EYS: variants seen among roughly 807,000 people sequenced by gnomAD.
EYS encodes the protein EGF-like photoreceptor maintenance factor, also known as protein eyes shut homolog.
Under a neutral mutation model 282.1 loss-of-function variants are expected in EYS, and 250 were observed. The ratio of observed to expected loss-of-function variants is 0.89; its 90% CI spans 0.80 to 0.98. EYS has a LOEUF of 0.98. EYS is among the 50% of genes least tolerant of loss of function. The pLI is 0.00. For missense variants in EYS, 4,016 were observed against 3,709.0 expected, an observed-to-expected ratio of 1.08 and a Z score of -2.15; for synonymous variants, 1,355 against 1,282.9, an observed-to-expected ratio of 1.06 and a Z score of -1.20.
At chr6:64,849,393 A>C (rs892173898) in intron 19 of EYS, among the ~76,000 whole-genome samples, 1 of 152,010 alleles carries the variant, frequency 6.6e-6, no homozygotes, top group Non-Finnish European at 1.5e-5. Context: ...TGAAAAAAAT[A>C]TTTGAAACTA....
intron 12 of EYS, among the ~76,000 whole-genome samples, chr6:65,124,383 T>A (rs932820127): frequency 1.3e-5 from 2 of 152,164 alleles, no homozygotes; most frequent in Non-Finnish European, 2.9e-5. Context: ...GAATGTGATT[T>A]GAACTCAAGA....
chr6:65,652,322 A>C (rs1767682534), intron 1 of EYS, among the ~76,000 whole-genome samples: 1 of 152,048 alleles, frequency 6.6e-6, no homozygotes. Flanking sequence ...GTTGACTTTG[A>C]AAATTGTTTT....
At chr6:63,893,210 G>A (rs960836771) in intron 35 of EYS, among the ~76,000 whole-genome samples, 4 of 152,120 alleles carry the variant, frequency 2.6e-5, no homozygotes, top group African/African-American at 9.7e-5. Flanking sequence ...ATTTGACCCA[G>A]CAATCCTAAT....
At chr6:65,637,999 G>A (rs1312678821) in intron 2 of EYS, among the ~76,000 whole-genome samples, 1 of 152,194 alleles carries the variant, frequency 6.6e-6, no homozygotes, top group African/African-American at 2.4e-5. Flanking sequence ...CCTGGGGGCC[G>A]GGTTGTCAGT....
chr6:64,549,390 T>C (rs531335202), intron 26 of EYS, among the ~76,000 whole-genome samples: 2 of 152,320 alleles, frequency 1.3e-5, no homozygotes, highest in South Asian at 4.1e-4. Context: ...AATTTTTTAG[T>C]TGATTTTTGT....
At chr6:65,133,020 G>A (rs900535877) in intron 12 of EYS, among the ~76,000 whole-genome samples, 7 of 151,990 alleles carry the variant, frequency 4.6e-5, no homozygotes, top group Admixed American at 4.6e-4. Context: ...AGTGAAAGAT[G>A]TCTATAATGA....
At chr6:65,601,375 T>C (rs543289256) in intron 2 of EYS, among the ~76,000 whole-genome samples, 5 of 152,002 alleles carry the variant, frequency 3.3e-5, no homozygotes, top group African/African-American at 1.2e-4. Context: ...TAAATCCCTC[T>C]TATCAGTCCC....
At chr6:64,943,797 A>G (rs1344101021) in intron 15 of EYS, among the ~76,000 whole-genome samples, 2 of 152,094 alleles carry the variant, frequency 1.3e-5, no homozygotes, top group African/African-American at 4.8e-5. Context: ...GCATGCACAG[A>G]TTCAACGTAT....
At chr6:64,185,433 T>C (rs1040721170) in intron 31 of EYS, among the ~76,000 whole-genome samples, 6 of 152,186 alleles carry the variant, frequency 3.9e-5, no homozygotes, top group Non-Finnish European at 8.8e-5. Context: ...ACAAGTCATA[T>C]TCTTGAAAAT....
intron 31 of EYS, among the ~76,000 whole-genome samples, chr6:64,173,816 C>T (rs548304825): frequency 3.9e-5 from 6 of 152,016 alleles, no homozygotes; most frequent in Admixed American, 1.3e-4. Context: ...CTCAGTGTAT[C>T]TTAATATAAA....
At chr6:64,324,255 C>A (rs1001952079) in intron 29 of EYS, among the ~76,000 whole-genome samples, 1 of 152,134 alleles carries the variant, frequency 6.6e-6, no homozygotes, top group Admixed American at 6.6e-5. Context: ...CAAACTGAAT[C>A]CAGTAGCAGA....
chr6:64,141,636 T>C (rs1774340902), intron 31 of EYS, among the ~76,000 whole-genome samples: 1 of 152,230 alleles, frequency 6.6e-6, no homozygotes, highest in Non-Finnish European at 1.5e-5. Context: ...AAAAAGTATT[T>C]AAATTCATAA....
At chr6:64,333,484 G>A (rs1770716559) in intron 29 of EYS, among the ~76,000 whole-genome samples, 1 of 152,140 alleles carries the variant, frequency 6.6e-6, no homozygotes, top group Non-Finnish European at 1.5e-5. Context: ...GGACCATGAT[G>A]AATTTAATCA....
At chr6:63,826,561 A>C (rs1196460624) in intron 36 of EYS, among the ~76,000 whole-genome samples, 2 of 152,196 alleles carry the variant, frequency 1.3e-5, no homozygotes, top group Non-Finnish European at 2.9e-5. Context: ...GAAAATCTAC[A>C]AGCTAGAAGG....
intron 35 of EYS, among the ~76,000 whole-genome samples, chr6:63,875,277 T>A (rs985562952): frequency 6.6e-6 from 1 of 152,230 alleles, no homozygotes; most frequent in African/African-American, 2.4e-5. Context: ...ATTCCATTTA[T>A]TGATTTGCTT....
chr6:65,091,803 CG>C (rs1468993010), intron 12 of EYS, among the ~76,000 whole-genome samples: 1 of 152,024 alleles, frequency 6.6e-6, no homozygotes, highest in Non-Finnish European at 1.5e-5. Context: ...TGTAGCCATT[CG>C]GTTGTAACCT....
intron 24 of EYS, among the ~76,000 whole-genome samples, chr6:64,614,763 G>A (rs143610630): frequency 2.1e-3 from 315 of 152,130 alleles, no homozygotes; most frequent in African/African-American, 6.3e-3. Flanking sequence ...ATATTACAGC[G>A]TTGAATAGAT....
intron 19 of EYS, among the ~76,000 whole-genome samples, chr6:64,837,808 A>G (rs1765434131): frequency 6.6e-6 from 1 of 151,080 alleles, no homozygotes; most frequent in South Asian, 2.1e-4. Context: ...CTATATGCTA[A>G]TAGCAAACTA....
At chr6:65,413,846 ACTTTGT>A (rs1349259630) in intron 5 of EYS, among the ~76,000 whole-genome samples, 1 of 151,860 alleles carries the variant, frequency 6.6e-6, no homozygotes, top group Non-Finnish European at 1.5e-5. Flanking sequence ...ACAGAGGGAG[ACTTTGT>A]CTTAAAAAAA....
Sources: gnomAD v4.1 joint callset for allele counts (sites outside exome capture counted in the v4.1 genomes callset) on GRCh38, gnomAD v4.1.1 for gene constraint, MANE v1.5 for transcripts, NCBI Gene and HGNC (gene_info 2026-07-23, HGNC 2026-07-21) for gene names.